Variants in PPARGC1A observed in about 807,000 individuals in gnomAD.
PPARGC1A encodes the protein peroxisome proliferator-activated receptor gamma coactivator 1-alpha.
PPARGC1A carries 25 observed loss-of-function variants against 88.7 expected under a neutral mutation model. That is an observed-to-expected ratio of 0.28 (90% CI 0.21 to 0.39). The LOEUF (loss-of-function observed/expected upper bound fraction) is 0.39, where lower values mean the gene tolerates loss of function less well. PPARGC1A is among the 10% of genes least tolerant of loss of function. The pLI is 1.00. For synonymous variants in PPARGC1A, 363 were observed against 355.6 expected, an observed-to-expected ratio of 1.02 and a Z score of -0.24; for missense variants, 880 against 968.7, an observed-to-expected ratio of 0.91 and a Z score of 1.22.
At chr4:24,282,953 C>A in the PPARGC1A span, among the ~76,000 whole-genome samples, 1 of 152,124 alleles carries the variant, frequency 6.6e-6, no homozygotes, top group Non-Finnish European at 1.5e-5. Context: ...GGGACCTAAC[C>A]GTAGGTGATT....
At chr4:24,136,223 G>A in the PPARGC1A span, among the ~76,000 whole-genome samples, 736 of 152,290 alleles carry the variant, frequency 4.8e-3, 9 homozygotes, top group African/African-American at 0.017. Flanking sequence ...AGTCAACTGG[G>A]TCAATGAGGG....
chr4:23,996,693 A>C, the PPARGC1A span, among the ~76,000 whole-genome samples: 1 of 152,234 alleles, frequency 6.6e-6, no homozygotes, highest in Admixed American at 6.5e-5. Flanking sequence ...AACGTCAGCA[A>C]ACCCTTTCTG....
At chr4:24,116,884 T>C in the PPARGC1A span, among the ~76,000 whole-genome samples, 1 of 152,190 alleles carries the variant, frequency 6.6e-6, no homozygotes, top group Non-Finnish European at 1.5e-5. Flanking sequence ...AGTTATGTCC[T>C]TTGGTACAGA....
At chr4:23,956,291 T>C in the PPARGC1A span, among the ~76,000 whole-genome samples, 1 of 152,076 alleles carries the variant, frequency 6.6e-6, no homozygotes, top group African/African-American at 2.4e-5. Flanking sequence ...TTTGATTCAA[T>C]AGGTCTGAGG....
the PPARGC1A span, among the ~76,000 whole-genome samples, chr4:24,231,271 C>T: frequency 4.6e-5 from 7 of 152,166 alleles, no homozygotes; most frequent in South Asian, 2.1e-4. Context: ...GCAGAAGAGA[C>T]GCGGTAGTTG....
At chr4:24,013,993 T>C in the PPARGC1A span, among the ~76,000 whole-genome samples, 1 of 152,080 alleles carries the variant, frequency 6.6e-6, no homozygotes, top group African/African-American at 2.4e-5. Context: ...AAAAGAAGTG[T>C]ATTAGAGCAG....
chr4:24,269,125 A>G, the PPARGC1A span, among the ~76,000 whole-genome samples: 1 of 152,176 alleles, frequency 6.6e-6, no homozygotes, highest in Non-Finnish European at 1.5e-5. Flanking sequence ...TTGATAATGT[A>G]CCAGCACCAG....
the PPARGC1A span, among the ~76,000 whole-genome samples, chr4:24,245,413 T>C: frequency 2.0e-5 from 3 of 152,198 alleles, no homozygotes; most frequent in African/African-American, 4.8e-5. Flanking sequence ...GAATGTGACA[T>C]TTCAAGCACA....
the PPARGC1A span, among the ~76,000 whole-genome samples, chr4:24,393,803 AAAG>A: frequency 6.6e-6 from 1 of 152,316 alleles, no homozygotes; most frequent in South Asian, 2.1e-4. Flanking sequence ...TAGTTTTTTT[AAAG>A]AATAATTTAT....
intron 1 of PPARGC1A, among the ~76,000 whole-genome samples, chr4:23,888,712 C>A (rs1717319692): frequency 6.6e-6 from 1 of 152,190 alleles, no homozygotes. Flanking sequence ...GCATGCCTCG[C>A]TAGATAGGAA....
chr4:23,843,832 A>G (rs1727494141), intron 2 of PPARGC1A, among the ~76,000 whole-genome samples: 1 of 152,058 alleles, frequency 6.6e-6, no homozygotes, highest in African/African-American at 2.4e-5. Context: ...CAGAATGATC[A>G]CCTTTAATCC....
the PPARGC1A span, among the ~76,000 whole-genome samples, chr4:24,109,337 ACACT>A: frequency 6.9e-6 from 1 of 144,060 alleles, no homozygotes; most frequent in South Asian, 2.2e-4. Context: ...ACACACACAC[ACACT>A]TTTATTCGTT....
the PPARGC1A span, among the ~76,000 whole-genome samples, chr4:24,353,192 C>CTT: frequency 0.32 from 46,352 of 143,940 alleles, 7,544 homozygotes; most frequent in South Asian, 0.37. Context: ...AATAATCAAT[C>CTT]TTTTTTTTTT....
At chr4:23,982,210 C>T in the PPARGC1A span, among the ~76,000 whole-genome samples, 1 of 150,894 alleles carries the variant, frequency 6.6e-6, no homozygotes, top group African/African-American at 2.4e-5. Context: ...CAAAGATCTT[C>T]AAAATAATAG....
chr4:23,942,802 G>A, the PPARGC1A span, among the ~76,000 whole-genome samples: 6 of 152,140 alleles, frequency 3.9e-5, no homozygotes, highest in African/African-American at 4.8e-5. Context: ...TGTTTGGAGT[G>A]TAGGTTTCTT....
the PPARGC1A span, among the ~76,000 whole-genome samples, chr4:23,930,034 C>T: frequency 6.6e-6 from 1 of 152,048 alleles, no homozygotes; most frequent in East Asian, 1.9e-4. Context: ...TTTTTGTCAC[C>T]CCACTCCAGG....
At chr4:24,046,118 T>C in the PPARGC1A span, among the ~76,000 whole-genome samples, 297 of 152,298 alleles carry the variant, frequency 2.0e-3, 1 homozygote, top group African/African-American at 6.2e-3. Context: ...TAATCCTGAT[T>C]ATAAATATGC....
chr4:24,016,953 A>G, the PPARGC1A span, among the ~76,000 whole-genome samples: 1 of 152,146 alleles, frequency 6.6e-6, no homozygotes, highest in Non-Finnish European at 1.5e-5. Context: ...GTGGAGAAGA[A>G]AGGGGGTTTC....
At chr4:23,900,581 G>A (rs1004753593), upstream of PPARGC1A, among the ~76,000 whole-genome samples, 2 of 152,180 alleles carry the variant, frequency 1.3e-5, no homozygotes, top group Admixed American at 1.3e-4. Flanking sequence ...AAAACTCAAT[G>A]TAAAATCAAG....
Sources: gnomAD v4.1 joint callset for allele counts (sites outside exome capture counted in the v4.1 genomes callset) on GRCh38, gnomAD v4.1.1 for gene constraint, MANE v1.5 for transcripts, NCBI Gene and HGNC (gene_info 2026-07-23, HGNC 2026-07-21) for gene names.